The following CACNA1C variants were observed in gnomAD, a reference collection of about 807,000 sequenced individuals.
CACNA1C encodes the protein voltage-dependent L-type calcium channel subunit alpha-1C.
Under a neutral mutation model 229.0 loss-of-function variants are expected in CACNA1C, and 30 were observed. The observed-to-expected ratio is 0.13, with a 90% CI of 0.10 to 0.18. CACNA1C has a LOEUF of 0.18. Ranked by LOEUF, CACNA1C falls within the 10% of genes least tolerant of loss-of-function variation. CACNA1C has a pLI of 1.00. For missense variants in CACNA1C, 1,658 were observed against 2,845.0 expected, an observed-to-expected ratio of 0.58 and a Z score of 9.49; for synonymous variants, 1,114 against 1,132.5, an observed-to-expected ratio of 0.98 and a Z score of 0.33.
chr12:2,215,701 A>G lies in CACNA1C; in HGVS notation c.477+95271A>G, dbSNP rs1182624774. Among the ~76,000 whole-genome samples the G allele has an allele frequency of 1.3e-5, 2 of 152,168 alleles. No individual in the cohort carries two copies. The highest frequency in any genetic ancestry group is 2.4e-5 in the African/African-American group (1 of 41,444). The stretch of plus-strand genomic sequence containing the variant: ...GAGGGAAGGACCATGTTCTCTCCCA[A>G]ACAGGCCAGTCCTTGGAGCTGCTGC... On this transcript the variant is annotated intron_variant, in intron 3 of 46. Coordinates refer to ENST00000399655, the MANE Select transcript of CACNA1C (RefSeq NM_000719.7). This position sits in a 1 kb window ranked among gnomAD's most constrained non-coding sequence, Gnocchi z 5.0.
chr12:2,676,788 C>A, intron 39 of CACNA1C: 2 of 185,778 alleles, frequency 1.1e-5, no homozygotes, highest in Non-Finnish European at 2.2e-5. Flanking sequence ...ATAAAAAAAA[C>A]AGGAGATAAT....
chr12:2,127,471 A>C (rs1463388781), intron 3 of CACNA1C, among the ~76,000 whole-genome samples: 2 of 152,198 alleles, frequency 1.3e-5, no homozygotes, highest in Middle Eastern at 3.2e-3. Flanking sequence ...GTGTTGTCCT[A>C]ATGCAGCAGG....
intron 28 of CACNA1C, among the ~76,000 whole-genome samples, chr12:2,611,489 T>C (rs777971102): frequency 3.4e-5 from 5 of 149,072 alleles, no homozygotes; most frequent in Admixed American, 6.6e-5. Flanking sequence ...GCTGGATGCA[T>C]TCATTGTTGG....
intron 3 of CACNA1C, among the ~76,000 whole-genome samples, chr12:2,205,240 G>A (rs987441062): frequency 1.3e-5 from 2 of 152,330 alleles, no homozygotes; most frequent in East Asian, 3.9e-4. Flanking sequence ...CACTGGGAAA[G>A]CCAGTGTGTG....
intron 34 of CACNA1C, among the ~76,000 whole-genome samples, chr12:2,657,462 G>C (rs984574264): frequency 6.6e-6 from 1 of 151,588 alleles, no homozygotes; most frequent in African/African-American, 2.4e-5. Flanking sequence ...AAGATTTAAA[G>C]GTCAATCACT....
At chr12:2,291,047 G>T (rs2093445118) in intron 3 of CACNA1C, among the ~76,000 whole-genome samples, 1 of 152,198 alleles carries the variant, frequency 6.6e-6, no homozygotes, top group Admixed American at 6.5e-5. Context: ...CTGTGTGCAG[G>T]GCACTAGAAC....
intron 3 of CACNA1C, among the ~76,000 whole-genome samples, chr12:2,432,112 A>G (rs925834123): frequency 6.6e-6 from 1 of 152,174 alleles, no homozygotes; most frequent in Non-Finnish European, 1.5e-5. Flanking sequence ...GGGAAAGGAG[A>G]CACCCACAAA....
rs1225689719 is a variant in CACNA1C at position 2,602,629 on chromosome 12, CTTGTGTGTGTGTGT to C, written c.2960+670_2960+683del. ...TGTGTGTGACTGTGTATATTTGTGTCTTGTGTGTGTGTGTGTGTGTGTGTGTGTGTGTGTGTGTG... is the reference window on the plus strand; with the variant it reads ...TGTGTGTGACTGTGTATATTTGTGTCGTGTGTGTGTGTGTGTGTGTGTGTG... On this transcript the variant is annotated intron_variant, in intron 22 of 46. Transcript: ENST00000399655. This position sits in a 1 kb window ranked among gnomAD's most constrained non-coding sequence, Gnocchi z 4.4. Among the ~76,000 whole-genome samples the C allele has an allele frequency of 3.4e-5, 3 of 87,842 alleles. No individual in the cohort carries two copies. The highest frequency in any genetic ancestry group is 1.2e-4 in the African/African-American group (3 of 24,442). 57.6% of individuals were successfully genotyped at this position (87,842 alleles called of 152,430 possible).
chr12:2,387,504 A>G (rs2098413313), intron 3 of CACNA1C, among the ~76,000 whole-genome samples: 1 of 152,036 alleles, frequency 6.6e-6, no homozygotes. Context: ...GAAAGAAAGA[A>G]AGAAAGCAAT....
Position 2,690,931 on chromosome 12 carries a change from C to A in CACNA1C, c.6149C>A (p.Ala2050Asp). The change falls in exon 47 of 47, where the codon GCT (alanine) becomes GAT (aspartate). Residue 2050 changes from alanine to aspartate, a missense_variant. This residue lies in a region of CACNA1C where 590 missense variants were observed against 700.8 expected (regional missense o/e 0.84). Transcript: ENST00000399655. ...VLISEGLGQF[A>D]QDPKFIEVTT... ...ATTTCAGAAGGACTGGGGCAGTTTG[C>A]TCAAGATCCCAAGTTCATCGAGGTC... 1 of 1,590,964 alleles carries A rather than the reference C, an allele frequency of 6.3e-7. No individual in the cohort carries two copies. Among genetic ancestry groups the A allele is most frequent in the Non-Finnish European group, 8.6e-7 (1 of 1,167,272 alleles).
Position 2,692,616 on chromosome 12 carries a change from T to TG in CACNA1C, c.*1417_*1418insG, listed in dbSNP as rs1261779926. 17 of 152,616 alleles carry TG rather than the reference T, an allele frequency of 1.1e-4. No individual in the cohort carries two copies. The highest frequency in any genetic ancestry group is 9.8e-4 in the Admixed American group (15 of 15,274). 9.5% of individuals were successfully genotyped at this position (152,616 alleles called of 1,614,324 possible). The stretch of plus-strand genomic sequence containing the variant: ...ATATGCAAAAACAATGCAATAATAT[T>TG]CATTTAAAAATACAATTGTGAGTTG... On this transcript the variant is annotated 3_prime_UTR_variant, in exon 47 of 47. Transcript: ENST00000399655.
At chr12:1,988,694 T>A (rs1194521343) in intron 1 of CACNA1C, among the ~76,000 whole-genome samples, 1 of 152,192 alleles carries the variant, frequency 6.6e-6, no homozygotes. Flanking sequence ...TCTGCCATCG[T>A]TTACCCAAAA....
chr12:2,338,726 A>G (rs559089591), intron 3 of CACNA1C, among the ~76,000 whole-genome samples: 4 of 152,306 alleles, frequency 2.6e-5, no homozygotes, highest in East Asian at 1.9e-4. Flanking sequence ...GGGCCCAGGA[A>G]GCATGAGAAT....
chr12:2,553,018 A>G (rs548945109), intron 10 of CACNA1C, among the ~76,000 whole-genome samples: 1 of 152,292 alleles, frequency 6.6e-6, no homozygotes, highest in East Asian at 1.9e-4. Context: ...GAAGGGCGAC[A>G]GCAAAGACAG....
At chr12:2,539,127 A>G (rs187141991) in intron 9 of CACNA1C, among the ~76,000 whole-genome samples, 2 of 152,352 alleles carry the variant, frequency 1.3e-5, no homozygotes, top group East Asian at 1.9e-4. Flanking sequence ...GGATAATAAT[A>G]TCTACCTTGC....
At chr12:2,355,729 C>T (rs915819175) in intron 3 of CACNA1C, among the ~76,000 whole-genome samples, 3 of 152,186 alleles carry the variant, frequency 2.0e-5, no homozygotes, top group Non-Finnish European at 2.9e-5. Context: ...GGACATTTGG[C>T]AGTGTGTGGA....
intron 3 of CACNA1C, among the ~76,000 whole-genome samples, chr12:2,336,618 A>C (rs1322398551): frequency 6.6e-6 from 1 of 152,216 alleles, no homozygotes; most frequent in Non-Finnish European, 1.5e-5. Context: ...CAACCGTTTA[A>C]ATAGGAACCT....
chr12:2,602,974 T>G lies in CACNA1C; in HGVS notation c.2960+1014T>G, dbSNP rs369156935. On this transcript the variant is annotated intron_variant, in intron 22 of 46. Transcript: ENST00000399655. The surrounding 1 kb of genome is among the most constrained non-coding windows in gnomAD (Gnocchi z 4.4). Reference sequence around the variant, plus strand: ...AGGACATCATGACACTTGCTCAAGGTCACACCTGTGGTAGAGAAAGGCCTA... The same window carrying G: ...AGGACATCATGACACTTGCTCAAGGGCACACCTGTGGTAGAGAAAGGCCTA... Among the ~76,000 whole-genome samples, 16 of 152,272 alleles carry G rather than the reference T, an allele frequency of 1.1e-4. No individual in the cohort carries two copies. The South Asian group carries it at 3.3e-3, about 32-fold the overall frequency.
intron 42 of CACNA1C, chr12:2,681,928 T>C (rs377630970): frequency 9.5e-6 from 13 of 1,365,882 alleles, no homozygotes; most frequent in Non-Finnish European, 1.4e-5. Flanking sequence ...GAGCTAAAGA[T>C]GACCTGACCC....
Sources: allele counts gnomAD v4.1 joint callset (sites outside exome capture counted in the v4.1 genomes callset), GRCh38; gene constraint gnomAD v4.1.1; regional missense constraint gnomAD v4.1.1; non-coding constraint Gnocchi (gnomAD v3.1); transcripts MANE v1.5; gene names NCBI Gene and HGNC (gene_info 2026-07-23, HGNC 2026-07-21).